AKAP6: variants seen among roughly 807,000 people sequenced by gnomAD.
The protein encoded by AKAP6 is A-kinase anchor protein 6.
AKAP6 carries 58 observed loss-of-function variants against 188.5 expected under a neutral mutation model. The ratio of observed to expected loss-of-function variants is 0.31; its 90% confidence interval spans 0.25 to 0.38. AKAP6 has a LOEUF of 0.38. AKAP6 is among the 10% of genes least tolerant of loss of function. AKAP6 has a pLI of 1.00. For missense variants in AKAP6, 2,710 were observed against 2,740.0 expected (o/e 0.99, Z 0.24); for synonymous variants, 989 against 998.6 (o/e 0.99, Z 0.18).
At chr14:32,541,280 C>A (rs1337156389) in intron 3 of AKAP6, among the ~76,000 whole-genome samples, 4 of 151,636 alleles carry the variant, frequency 2.6e-5, no homozygotes, top group Non-Finnish European at 5.9e-5. Flanking sequence ...TAAGAAAAGG[C>A]AGCTATACTT....
chr14:32,680,372 G>A (rs943339102), intron 8 of AKAP6, among the ~76,000 whole-genome samples: 2 of 152,206 alleles, frequency 1.3e-5, no homozygotes, highest in Admixed American at 6.5e-5. Context: ...CCTTAAAACT[G>A]TCTGTTCCCA....
intron 7 of AKAP6, among the ~76,000 whole-genome samples, chr14:32,674,539 G>A (rs1889348494): frequency 6.6e-6 from 1 of 152,124 alleles, no homozygotes; most frequent in Non-Finnish European, 1.5e-5. Context: ...TGAAGAAGAG[G>A]AAGAGTCAAG....
At chr14:32,339,168 T>C (rs1476031154) in intron 1 of AKAP6, among the ~76,000 whole-genome samples, 1 of 152,190 alleles carries the variant, frequency 6.6e-6, no homozygotes, top group Non-Finnish European at 1.5e-5. Context: ...TGATGTTTCC[T>C]TAGCTCCCAG....
chr14:32,567,927 G>A (rs551402014), intron 4 of AKAP6, among the ~76,000 whole-genome samples: 5 of 152,112 alleles, frequency 3.3e-5, no homozygotes, highest in African/African-American at 1.2e-4. Context: ...AAGAAACAAT[G>A]AGCAAGTGGA....
intron 4 of AKAP6, among the ~76,000 whole-genome samples, chr14:32,548,892 A>AT (rs892018431): frequency 1.3e-4 from 20 of 151,584 alleles, no homozygotes; most frequent in Admixed American, 6.6e-4. Context: ...ACTCCTCCTA[A>AT]TTTTTTTTTG....
At chr14:32,344,915 TAAAAAAAAAAA>T (rs11297648) in intron 1 of AKAP6, among the ~76,000 whole-genome samples, 3 of 105,464 alleles carry the variant, frequency 2.8e-5, no homozygotes, top group Non-Finnish European at 5.6e-5. Flanking sequence ...GACTCTGTCT[TAAAAAAAAAAA>T]AAAAAAAAAA....
In AKAP6 at chr14:32,793,302, T is replaced by G. The variant is rs556953962; in HGVS notation, c.3588+19409T>G. 4.3e-4 allele frequency among the ~76,000 whole-genome samples: 66 copies of G among 151,940 alleles called. 1 individual carries two copies. The highest frequency in any genetic ancestry group is 1.6e-3 in the African/African-American group (65 of 41,410). On this transcript the variant is annotated intron_variant, in intron 12 of 13. Transcript: ENST00000280979. ...CCCATCTCACATGCAGAGACACACA[T>G]AGGCTCAAAATAAAGGGATAGAGGA... is the stretch of plus-strand genomic sequence containing the variant.
intron 2 of AKAP6, among the ~76,000 whole-genome samples, chr14:32,526,778 G>GT (rs1224663599): frequency 6.6e-6 from 1 of 152,172 alleles, no homozygotes; most frequent in Non-Finnish European, 1.5e-5. Context: ...TCTAGTTTGT[G>GT]TTTTTTTAAA....
intron 12 of AKAP6, among the ~76,000 whole-genome samples, chr14:32,805,922 C>G (rs1170290107): frequency 6.6e-6 from 1 of 152,174 alleles, no homozygotes; most frequent in Non-Finnish European, 1.5e-5. Context: ...CAATACAGTA[C>G]AAGCAAACTC....
chr14:32,422,945 T>A (rs549775837), intron 1 of AKAP6, among the ~76,000 whole-genome samples: 7 of 152,352 alleles, frequency 4.6e-5, no homozygotes, highest in Admixed American at 4.6e-4. Context: ...TCTGTACTGC[T>A]GTCTTAAGAT....
intron 5 of AKAP6, among the ~76,000 whole-genome samples, chr14:32,595,596 A>T (rs910532844): frequency 3.3e-5 from 5 of 151,694 alleles, no homozygotes; most frequent in African/African-American, 1.2e-4. Context: ...GTAACCTTGA[A>T]CTCCTGGGCT....
At chr14:32,776,207 A>T (rs1228022669) in intron 12 of AKAP6, among the ~76,000 whole-genome samples, 2 of 152,196 alleles carry the variant, frequency 1.3e-5, no homozygotes, top group Admixed American at 1.3e-4. Context: ...CTGTGTCCCC[A>T]ACCAAATCTC....
At chr14:32,600,406 A>T (rs964499102) in intron 6 of AKAP6, among the ~76,000 whole-genome samples, 1 of 152,146 alleles carries the variant, frequency 6.6e-6, no homozygotes, top group Non-Finnish European at 1.5e-5. Flanking sequence ...TCAGTTTCCA[A>T]GCCAGTCATC....
intron 1 of AKAP6, among the ~76,000 whole-genome samples, chr14:32,408,063 C>A (rs939953325): frequency 6.6e-6 from 1 of 152,100 alleles, no homozygotes; most frequent in Non-Finnish European, 1.5e-5. Flanking sequence ...CTTTCTAACA[C>A]CCCCAGACTG....
At chr14:32,817,907 C>CT (rs962638611) in intron 12 of AKAP6, among the ~76,000 whole-genome samples, 19 of 152,026 alleles carry the variant, frequency 1.2e-4, no homozygotes, top group Middle Eastern at 3.4e-3. Context: ...ATATGCAAAT[C>CT]TTTTTTTTCC....
intron 1 of AKAP6, among the ~76,000 whole-genome samples, chr14:32,332,994 T>G (rs1026264419): frequency 6.6e-6 from 1 of 152,126 alleles, no homozygotes; most frequent in Admixed American, 6.6e-5. Context: ...TGTTTGAGTG[T>G]GGGGCTAATG....
intron 7 of AKAP6, among the ~76,000 whole-genome samples, chr14:32,644,334 C>T (rs1887891148): frequency 1.3e-5 from 2 of 152,264 alleles, no homozygotes; most frequent in East Asian, 1.9e-4. Flanking sequence ...CTGTGAAGGT[C>T]ATTGCTCTCT....
chr14:32,659,030 A>G (rs886142025), intron 7 of AKAP6, among the ~76,000 whole-genome samples: 12 of 152,064 alleles, frequency 7.9e-5, no homozygotes, highest in Non-Finnish European at 1.8e-4. Flanking sequence ...AAAGACAAGC[A>G]CATTTGACAA....
rs1338106177 is a variant in AKAP6, at chr14:32,650,295, A to G, written c.2731-28016A>G. On this transcript the variant is annotated intron_variant, in intron 7 of 13. Coordinates refer to ENST00000280979, the MANE Select transcript of AKAP6 (RefSeq NM_004274.5). ...GCATAGCGGTTTGTCTTTCAGACAT[A>G]CCAGTGCGGCATTCTGACTTCTAGA... Among the ~76,000 whole-genome samples, 4 of 152,162 alleles carry G rather than the reference A, an allele frequency of 2.6e-5. No individual in the cohort carries two copies. The East Asian group carries it at 7.7e-4, about 29-fold the overall frequency.
Sources: allele counts gnomAD v4.1 joint callset (sites outside exome capture counted in the v4.1 genomes callset), GRCh38; gene constraint gnomAD v4.1.1; transcripts MANE v1.5; gene names NCBI Gene and HGNC (gene_info 2026-07-23, HGNC 2026-07-21).